Variants in RABGAP1L observed in about 807,000 individuals in gnomAD.
The protein encoded by RABGAP1L is RAB GTPase activating protein 1 like, also known as rab GTPase-activating protein 1-like.
In RABGAP1L, 63 loss-of-function variants were observed where a neutral mutation model predicts 137.7. The ratio of observed to expected loss-of-function variants is 0.46; its 90% confidence interval spans 0.37 to 0.56. The LOEUF (loss-of-function observed/expected upper bound fraction) is 0.56. Among genes scored for constraint, RABGAP1L ranks in the 20% least tolerant of loss-of-function variants. RABGAP1L has a pLI of 0.00. For synonymous variants in RABGAP1L, 431 were observed against 433.7 expected, an observed-to-expected ratio of 0.99 and a Z score of 0.08; for missense variants, 1,095 against 1,244.0, an observed-to-expected ratio of 0.88 and a Z score of 1.80.
chr1:174,454,474 T>C (rs2149265390), intron 13 of RABGAP1L, among the ~76,000 whole-genome samples: 1 of 152,228 alleles, frequency 6.6e-6, no homozygotes, highest in East Asian at 1.9e-4. Flanking sequence ...GTAGATGTTC[T>C]TGACTTATTT....
chr1:174,768,095 C>G (rs561225616), intron 18 of RABGAP1L, among the ~76,000 whole-genome samples: 1 of 152,188 alleles, frequency 6.6e-6, no homozygotes, highest in Non-Finnish European at 1.5e-5. Context: ...GACACAAAGC[C>G]AAATTGTATC....
At chr1:174,356,215 G>T (rs1441542857) in intron 11 of RABGAP1L, among the ~76,000 whole-genome samples, 1 of 151,822 alleles carries the variant, frequency 6.6e-6, no homozygotes, top group African/African-American at 2.4e-5. Context: ...AAGGTTTTGG[G>T]TTTTTTTCCC....
chr1:174,845,149 T>C (rs1693914146), intron 19 of RABGAP1L, among the ~76,000 whole-genome samples: 2 of 146,602 alleles, frequency 1.4e-5, no homozygotes, highest in East Asian at 2.3e-4. Context: ...GTTTTCTAGA[T>C]AAACAATCAT....
intron 17 of RABGAP1L, among the ~76,000 whole-genome samples, chr1:174,704,123 A>G (rs578119627): frequency 2.7e-4 from 41 of 152,204 alleles, no homozygotes; most frequent in Admixed American, 1.2e-3. Context: ...TCGGCCTCCC[A>G]GGTAGCTGGA....
At chr1:174,522,568 G>T (rs537816381) in intron 13 of RABGAP1L, among the ~76,000 whole-genome samples, 41 of 151,866 alleles carry the variant, frequency 2.7e-4, no homozygotes, top group Admixed American at 5.9e-4. Context: ...GGGAGACGAG[G>T]GAAGGGAAAA....
chr1:174,674,452 G>A (rs1252721652), intron 14 of RABGAP1L, among the ~76,000 whole-genome samples: 1 of 150,006 alleles, frequency 6.7e-6, no homozygotes, highest in Non-Finnish European at 1.5e-5. Context: ...ATTCCATGGT[G>A]TATATGTGCC....
intron 7 of RABGAP1L, among the ~76,000 whole-genome samples, chr1:174,263,308 C>T (rs889484988): frequency 6.6e-6 from 1 of 152,220 alleles, no homozygotes; most frequent in Non-Finnish European, 1.5e-5. Flanking sequence ...CTGAATACCA[C>T]CTTTGGTGAA....
chr1:174,846,875 G>A (rs1418093966), intron 19 of RABGAP1L, among the ~76,000 whole-genome samples: 1 of 32,384 alleles, frequency 3.1e-5, no homozygotes, highest in African/African-American at 4.7e-5. Context: ...TCTCTTTGTA[G>A]GTCACTCAGG....
At chr1:174,800,836 G>A (rs562280520) in intron 18 of RABGAP1L, among the ~76,000 whole-genome samples, 8 of 152,282 alleles carry the variant, frequency 5.3e-5, no homozygotes, top group East Asian at 1.9e-4. Flanking sequence ...ATTCTGTTAT[G>A]TATATCTCCA....
chr1:174,922,301 C>T, intron 19 of RABGAP1L: 1 of 177,508 alleles, frequency 5.6e-6, no homozygotes, highest in Non-Finnish European at 1.2e-5. Context: ...CAGCTGTAGC[C>T]TCTACTATGT....
At chr1:174,431,210 C>T (rs1362333511) in intron 13 of RABGAP1L, among the ~76,000 whole-genome samples, 3 of 152,076 alleles carry the variant, frequency 2.0e-5, no homozygotes, top group East Asian at 3.8e-4. Context: ...ACTTTTCTCT[C>T]TCTGTTTTTA....
intron 14 of RABGAP1L, among the ~76,000 whole-genome samples, chr1:174,642,802 C>A (rs1320817050): frequency 7.3e-6 from 1 of 136,622 alleles, no homozygotes; most frequent in Non-Finnish European, 1.5e-5. Context: ...CTCTCCTCTT[C>A]TCTTCGGGGT....
intron 19 of RABGAP1L, among the ~76,000 whole-genome samples, chr1:174,904,644 T>C (rs1235649244): frequency 6.6e-6 from 1 of 151,792 alleles, no homozygotes; most frequent in Non-Finnish European, 1.5e-5. Flanking sequence ...TTCTTTCTTT[T>C]TTTCTTTTCT....
At chr1:174,615,043 G>A (rs764846503) in intron 13 of RABGAP1L, among the ~76,000 whole-genome samples, 2 of 152,218 alleles carry the variant, frequency 1.3e-5, no homozygotes, top group Non-Finnish European at 2.9e-5. Flanking sequence ...GTAGCTCGGA[G>A]TAGTTTGATC....
chr1:174,211,782 A>G (rs1216863828), intron 1 of RABGAP1L, among the ~76,000 whole-genome samples: 2 of 152,168 alleles, frequency 1.3e-5, no homozygotes, highest in Non-Finnish European at 2.9e-5. Flanking sequence ...AAAAGGATGG[A>G]AAAAGATATT....
At chr1:174,849,644 C>G (rs1259447576) in intron 19 of RABGAP1L, 1 of 394,350 alleles carries the variant, frequency 2.5e-6, no homozygotes, top group Non-Finnish European at 4.9e-6. Context: ...ATGAGAAGTA[C>G]ACTTAGGAAT....
chr1:174,436,290 G>A (rs528640806), intron 13 of RABGAP1L, among the ~76,000 whole-genome samples: 22 of 152,206 alleles, frequency 1.4e-4, no homozygotes, highest in South Asian at 4.2e-4. Flanking sequence ...AAAGTGTCCT[G>A]TTTCTCCACA....
chr1:174,627,229 C>T (rs370277070), intron 13 of RABGAP1L, among the ~76,000 whole-genome samples: 2 of 152,130 alleles, frequency 1.3e-5, no homozygotes, highest in South Asian at 2.1e-4. Flanking sequence ...ACACTTCAGC[C>T]GCTGCTAAGG....
At chr1:174,249,019 C>A (rs1672493267) in intron 5 of RABGAP1L, among the ~76,000 whole-genome samples, 1 of 152,114 alleles carries the variant, frequency 6.6e-6, no homozygotes, top group African/African-American at 2.4e-5. Flanking sequence ...TGATCTGATG[C>A]TTCTTTTGGA....
Sources: gnomAD v4.1 joint callset for allele counts (sites outside exome capture counted in the v4.1 genomes callset) on GRCh38, gnomAD v4.1.1 for gene constraint, MANE v1.5 for transcripts, NCBI Gene and HGNC (gene_info 2026-07-23, HGNC 2026-07-21) for gene names.